Variants in RAB3C observed in about 807,000 individuals in gnomAD.
RAB3C encodes ras-related protein Rab-3C.
Under a neutral mutation model 26.4 loss-of-function variants are expected in RAB3C, and 17 were observed. The ratio of observed to expected loss-of-function variants is 0.64; its 90% CI spans 0.44 to 0.97. The LOEUF (loss-of-function observed/expected upper bound fraction) is 0.97, where lower values mean the gene tolerates loss of function less well. Among genes scored for constraint, RAB3C ranks in the 50% least tolerant of loss-of-function variants. RAB3C has a pLI of 0.00. For missense variants in RAB3C, 242 were observed against 281.9 expected, an observed-to-expected ratio of 0.86 and a Z score of 1.01; for synonymous variants, 91 against 95.9, an observed-to-expected ratio of 0.95 and a Z score of 0.30.
At chr5:58,651,980 T>G (rs1268391992) in intron 2 of RAB3C, among the ~76,000 whole-genome samples, 4 of 152,172 alleles carry the variant, frequency 2.6e-5, no homozygotes, top group African/African-American at 9.7e-5. Flanking sequence ...ATTTTATTGT[T>G]GTATTATTAT....
chr5:58,653,222 G>A (rs978197896), intron 2 of RAB3C, among the ~76,000 whole-genome samples: 3 of 152,072 alleles, frequency 2.0e-5, no homozygotes, highest in African/African-American at 7.2e-5. Context: ...AGAACATGCA[G>A]TGTTTGGTTT....
chr5:58,700,790 G>T (rs148366687), intron 2 of RAB3C, among the ~76,000 whole-genome samples: 1 of 151,974 alleles, frequency 6.6e-6, no homozygotes, highest in Non-Finnish European at 1.5e-5. Flanking sequence ...CTAGGAAATC[G>T]ACTCGAGGTC....
chr5:58,821,885 C>CCCT (rs2112053926), intron 3 of RAB3C, among the ~76,000 whole-genome samples: 2 of 152,270 alleles, frequency 1.3e-5, no homozygotes, highest in Non-Finnish European at 2.9e-5. Context: ...GCTTTTTATT[C>CCCT]CCTCTTCAAG....
At chr5:58,790,694 T>G (rs767499884) in intron 3 of RAB3C, among the ~76,000 whole-genome samples, 5 of 152,120 alleles carry the variant, frequency 3.3e-5, no homozygotes, top group Non-Finnish European at 7.4e-5. Context: ...AGGTTCACAC[T>G]CTACATGGCA....
chr5:58,851,094 CCA>C, intron 4 of RAB3C, 68 bp from the exon 5 acceptor site: 1 of 1,442,726 alleles, frequency 6.9e-7, no homozygotes, highest in African/African-American at 1.4e-5. Flanking sequence ...CTATTGAAAG[CCA>C]TAATCAAGTC....
At chr5:58,843,526 C>T (rs755000852) in intron 4 of RAB3C, among the ~76,000 whole-genome samples, 2 of 152,246 alleles carry the variant, frequency 1.3e-5, no homozygotes, top group Non-Finnish European at 2.9e-5. Flanking sequence ...TGCATATAAG[C>T]AGCCACTCTG....
intron 2 of RAB3C, among the ~76,000 whole-genome samples, chr5:58,639,503 T>C (rs563203965): frequency 3.3e-5 from 5 of 152,182 alleles, no homozygotes; most frequent in Admixed American, 6.5e-5. Context: ...CCTTCCTCTG[T>C]GTCCTCACAT....
At chr5:58,636,272 C>T (rs907072296) in intron 2 of RAB3C, among the ~76,000 whole-genome samples, 1 of 152,210 alleles carries the variant, frequency 6.6e-6, no homozygotes, top group South Asian at 2.1e-4. Context: ...TCTATCCCAG[C>T]TCTCTAGTAG....
chr5:58,641,149 T>A (rs940903920), intron 2 of RAB3C, among the ~76,000 whole-genome samples: 7 of 152,276 alleles, frequency 4.6e-5, no homozygotes, highest in African/African-American at 1.7e-4. Flanking sequence ...AAAGTTAATG[T>A]GTGAGTGCAA....
chr5:58,735,494 G>C (rs1741112852), intron 3 of RAB3C, among the ~76,000 whole-genome samples: 1 of 152,162 alleles, frequency 6.6e-6, no homozygotes, highest in South Asian at 2.1e-4. Context: ...TAGGGTTGTT[G>C]TAGCAAAATA....
intron 4 of RAB3C, among the ~76,000 whole-genome samples, chr5:58,850,467 T>A (rs1744090831): frequency 6.6e-6 from 1 of 152,132 alleles, no homozygotes; most frequent in South Asian, 2.1e-4. Context: ...AGGTTTAAGG[T>A]AAATCTTATG....
chr5:58,806,504 C>T (rs1742940776), intron 3 of RAB3C, among the ~76,000 whole-genome samples: 1 of 152,302 alleles, frequency 6.6e-6, no homozygotes, highest in East Asian at 1.9e-4. Flanking sequence ...GAACCACAAG[C>T]TCCCTGGATA....
At chr5:58,720,089 A>G (rs1740715065) in intron 2 of RAB3C, among the ~76,000 whole-genome samples, 2 of 151,930 alleles carry the variant, frequency 1.3e-5, no homozygotes, top group Non-Finnish European at 2.9e-5. Flanking sequence ...GGACTTCGAC[A>G]CTAAATAAAT....
intron 2 of RAB3C, among the ~76,000 whole-genome samples, chr5:58,630,669 A>G (rs78974133): frequency 0.085 from 12,984 of 152,264 alleles, 625 homozygotes; most frequent in East Asian, 0.18. Flanking sequence ...TGGGAGAAAG[A>G]CAATGAGAAA....
chr5:58,604,629 T>A (rs868096994), intron 1 of RAB3C, among the ~76,000 whole-genome samples: 3 of 152,174 alleles, frequency 2.0e-5, no homozygotes, highest in African/African-American at 7.2e-5. Context: ...CTGTGCAAAC[T>A]GAAGGGCTGG....
chr5:58,692,281 T>C (rs892214921), intron 2 of RAB3C, among the ~76,000 whole-genome samples: 9 of 152,156 alleles, frequency 5.9e-5, no homozygotes, highest in African/African-American at 2.2e-4. Flanking sequence ...AATGCATTTG[T>C]TTAAAAAACA....
intron 1 of RAB3C, among the ~76,000 whole-genome samples, chr5:58,596,516 T>A (rs10037086): frequency 7.4e-6 from 1 of 134,656 alleles, no homozygotes; most frequent in Non-Finnish European, 1.5e-5. Flanking sequence ...TAATACTATA[T>A]AATACATATT....
At position 58,849,156 on chromosome 5, in the gene RAB3C, C is replaced by T. The variant is rs950087894; in HGVS notation, c.497-2008C>T. Among the ~76,000 whole-genome samples the T allele has an allele frequency of 7.2e-5, 11 of 152,168 alleles. 1 individual carries two copies. The highest frequency in any genetic ancestry group is 2.4e-4 in the African/African-American group (10 of 41,530). Reference sequence around the variant, plus strand: ...ATAATGGCTAAATCTTTTATGATACCGTTCAAGCTCAGTGACTTCCCAAAT... The same window carrying T: ...ATAATGGCTAAATCTTTTATGATACTGTTCAAGCTCAGTGACTTCCCAAAT... On this transcript the variant is annotated intron_variant, in intron 4 of 4. Transcript: ENST00000282878.
chr5:58,661,934 A>C (rs1052815634), intron 2 of RAB3C, among the ~76,000 whole-genome samples: 1 of 150,008 alleles, frequency 6.7e-6, no homozygotes, highest in Non-Finnish European at 1.5e-5. Context: ...GTGAGCAGGA[A>C]AAGACTTAGC....
Sources: gnomAD v4.1 joint callset for allele counts (sites outside exome capture counted in the v4.1 genomes callset) on GRCh38, gnomAD v4.1.1 for gene constraint, MANE v1.5 for transcripts, NCBI Gene and HGNC (gene_info 2026-07-23, HGNC 2026-07-21) for gene names.